MROH2A: variants seen among roughly 807,000 people sequenced by gnomAD.
The protein encoded by MROH2A is maestro heat like repeat family member 2A, also known as maestro heat-like repeat-containing protein family member 2A.
MROH2A carries 174 observed loss-of-function variants against 200.4 expected under a neutral mutation model. That is an observed-to-expected ratio of 0.87 (90% CI 0.77 to 0.98). The LOEUF is 0.98. MROH2A is among the 50% of genes least tolerant of loss of function. The pLI, the probability that MROH2A is intolerant of heterozygous loss-of-function variation, is 0.00. For synonymous variants in MROH2A, 829 were observed against 840.4 expected, an observed-to-expected ratio of 0.99 and a Z score of 0.23; for missense variants, 2,045 against 2,139.6, an observed-to-expected ratio of 0.96 and a Z score of 0.87.
At chr2:233,823,953 G>A (rs1279287035) in intron 35 of MROH2A, among the ~76,000 whole-genome samples, 3 of 152,142 alleles carry the variant, frequency 2.0e-5, no homozygotes, top group Admixed American at 6.5e-5. Context: ...CTGGGTTCTC[G>A]CTGGGGCAGG....
In MROH2A at chr2:233,819,883, A is replaced by T; in HGVS notation, c.3358-19A>T. 1 of 1,489,358 alleles carries T rather than the reference A, an allele frequency of 6.7e-7. No homozygotes were observed. Among genetic ancestry groups the T allele is most frequent in the Non-Finnish European group, 9.0e-7 (1 of 1,110,944 alleles). 92.3% of individuals were successfully genotyped at this position (1,489,358 alleles called of 1,614,324 possible). A position where few individuals can be genotyped will look rare whatever the true frequency, so the allele number is the denominator to read the frequency against. On this transcript the variant is annotated intron_variant, in intron 30 of 41. Coordinates refer to ENST00000389758, the MANE Select transcript of MROH2A (RefSeq NM_001394639.1). The stretch of plus-strand genomic sequence containing the variant: ...TAGGGGCCTGGGCTGCCCCCCGGTG[A>T]TGCCCCATCCCTACCTAGGTGGCCG...
chr2:233,824,429 C>G (rs1433603498), intron 35 of MROH2A, among the ~76,000 whole-genome samples: 3 of 152,236 alleles, frequency 2.0e-5, no homozygotes, highest in Non-Finnish European at 1.5e-5. Flanking sequence ...TCAGGCCCCT[C>G]CCTGTGTTCA....
intron 21 of MROH2A, among the ~76,000 whole-genome samples, chr2:233,808,145 G>C (rs1702924758): frequency 6.6e-6 from 1 of 152,192 alleles, no homozygotes; most frequent in Admixed American, 6.5e-5. Context: ...GGGGCTCCCT[G>C]GGTGCTGATT....
In MROH2A at chr2:233,822,873, C is replaced by T; in HGVS notation, c.3867-8C>T. The T allele has an allele frequency of 6.5e-7, 1 of 1,550,296 alleles. No homozygotes were observed. The highest frequency in any genetic ancestry group is 1.2e-5 in the South Asian group (1 of 84,052). On this transcript the variant is annotated splice_region_variant and splice_polypyrimidine_tract_variant and intron_variant, in intron 33 of 41. Coordinates refer to ENST00000389758, the MANE Select transcript of MROH2A (RefSeq NM_001394639.1). ...GGCAGCGCATCACAAGCTCCCACCT[C>T]CCTTCAGGGTCACTATCAAGTCCAT...
chr2:233,816,794 G>T lies in MROH2A; in HGVS notation c.2870G>T (p.Trp957Leu), dbSNP rs540080472. Residue 957 changes from tryptophan (W) to leucine (L), a missense_variant, in exon 27 of 42, where the codon TGG becomes TTG. Physicochemically the swap from Trp to Leu is moderately conservative, Grantham distance 61. This residue lies in a region of MROH2A where 1,201 missense variants were observed against 1,311.3 expected (regional missense o/e 0.92). Transcript: ENST00000389758. ...LQEMVQLLEKWILSEKEWERE... is the reference protein window; with the variant it reads ...LQEMVQLLEKLILSEKEWERE... Reference sequence around the variant, plus strand: ...CTCTACCCATAGCTCCTGGAAAAGTGGATCTTGTCGGAGAAAGAATGGGAG... The same window carrying T: ...CTCTACCCATAGCTCCTGGAAAAGTTGATCTTGTCGGAGAAAGAATGGGAG... 1.4e-5 allele frequency: 22 copies of T among 1,550,248 alleles called. No homozygotes were observed. Among genetic ancestry groups the T allele is most frequent in the Non-Finnish European group, 1.8e-5 (21 of 1,146,786 alleles).
chr2:233,802,956 T>C (rs563194450), intron 15 of MROH2A, among the ~76,000 whole-genome samples: 3 of 152,232 alleles, frequency 2.0e-5, no homozygotes, highest in Middle Eastern at 3.2e-3. Flanking sequence ...TTGACTCTGG[T>C]TGAGTCCTCT....
At chr2:233,784,918 C>A (rs779743326) in intron 3 of MROH2A, among the ~76,000 whole-genome samples, 1 of 152,008 alleles carries the variant, frequency 6.6e-6, no homozygotes, top group East Asian at 1.9e-4. Flanking sequence ...GGAGCCAAGG[C>A]GGGCGGATCA....
intron 41 of MROH2A, 108 bp from the exon 42 acceptor site, chr2:233,833,030 C>T (rs1013287775): frequency 6.7e-6 from 9 of 1,349,634 alleles, no homozygotes; most frequent in Middle Eastern, 2.6e-4. Flanking sequence ...TCCCCGTCTG[C>T]CCCTGCCCAC....
chr2:233,823,751 C>T, intron 35 of MROH2A, 87 bp downstream of exon 35: 1 of 1,495,832 alleles, frequency 6.7e-7, no homozygotes, highest in Non-Finnish European at 9.0e-7. Flanking sequence ...GTCTCCAAGG[C>T]ATGGGAGTCG....
At position 233,787,596 on chromosome 2, in the gene MROH2A, T is replaced by TATATATCATATATACA. The variant is rs1286025940; in HGVS notation, c.277-1901_277-1900insATATATCATATATACA. 7.9e-4 allele frequency among the ~76,000 whole-genome samples: 26 copies of TATATATCATATATACA among 32,844 alleles called. 1 individual carries two copies. The highest frequency in any genetic ancestry group is 2.2e-3 in the South Asian group (2 of 896). The allele number at this position is 32,844 out of a possible 152,430, so 21.5% of individuals were successfully genotyped here. On this transcript the variant is annotated intron_variant, in intron 3 of 41. Transcript: ENST00000389758. The stretch of plus-strand genomic sequence containing the variant: ...TATATATCATATATACATATATATA[T>TATATATCATATATACA]TATATATTATATATATCATATATAC...
rs1702913229 is a variant in MROH2A, at chr2:233,807,946, G to A, written c.2295+91G>A. ...CAAAGTCCTTTCTAGATCTCAGTAGGAAACTTGCCTCACACGGAGTCTCCT... is the reference window on the plus strand; with the variant it reads ...CAAAGTCCTTTCTAGATCTCAGTAGAAAACTTGCCTCACACGGAGTCTCCT... On this transcript the variant is annotated intron_variant, in intron 21 of 41. Transcript: ENST00000389758. The surrounding 1 kb of genome is among the most constrained non-coding windows in gnomAD (Gnocchi z 4.3). 8.0e-6 allele frequency: 12 copies of A among 1,496,670 alleles called. No individual in the cohort carries two copies. The South Asian group carries it at 1.4e-4, about 17-fold the overall frequency. 92.7% of individuals were successfully genotyped at this position (1,496,670 alleles called of 1,614,324 possible).
At chr2:233,802,091 C>A in intron 14 of MROH2A, 77 bp from the exon 15 acceptor site, 2 of 1,438,218 alleles carry the variant, frequency 1.4e-6, no homozygotes, top group East Asian at 2.5e-5. Flanking sequence ...GGCACCATGG[C>A]AGAGCCTGAC....
chr2:233,791,796 C>T (rs779083089), intron 5 of MROH2A, among the ~76,000 whole-genome samples: 20 of 151,660 alleles, frequency 1.3e-4, no homozygotes, highest in South Asian at 2.1e-4. Flanking sequence ...CTGGAGAAGG[C>T]GGGAGGTGGA....
At chr2:233,810,009 C>A (rs1217510729) in intron 22 of MROH2A, among the ~76,000 whole-genome samples, 1 of 152,164 alleles carries the variant, frequency 6.6e-6, no homozygotes, top group African/African-American at 2.4e-5. Context: ...TGATAGTTGT[C>A]CTTGTGTGTC....
chr2:233,833,393 T>G lies in MROH2A; in HGVS notation c.*134T>G. On this transcript the variant is annotated 3_prime_UTR_variant, in exon 42 of 42. Transcript: ENST00000389758. ...CTAGTATCCTTTTGTTTCCTTCCGT[T>G]GAAATAAACCTCCACTGTCGTTGGA... 9.6e-7 allele frequency: 1 copy of G among 1,036,508 alleles called. No homozygotes were observed. Among genetic ancestry groups the G allele is most frequent in the Non-Finnish European group, 1.3e-6 (1 of 750,978 alleles). 64.2% of individuals were successfully genotyped at this position (1,036,508 alleles called of 1,614,324 possible). A position where few individuals can be genotyped will look rare whatever the true frequency, so the allele number is the denominator to read the frequency against.
At position 233,807,539 on chromosome 2, in the gene MROH2A, C is replaced by T. The variant is rs1481221074; in HGVS notation, c.2169C>T (p.Ser723=). The change falls in exon 20 of 42, where the codon AGC becomes AGT. Residue 723 remains serine (S), a synonymous_variant. Coordinates refer to ENST00000389758, the MANE Select transcript of MROH2A (RefSeq NM_001394639.1). The surrounding 1 kb of genome is among the most constrained non-coding windows in gnomAD (Gnocchi z 4.3). ...YKTDYSNDFD[S]EGVIMCFGLC... ...CGGACTACAGCAATGACTTTGACAG[C>T]GAGGTGAGGGTGCCTGCAGCCTCCT... 7.7e-6 allele frequency: 12 copies of T among 1,550,392 alleles called. No homozygotes were observed. The highest frequency in any genetic ancestry group is 4.9e-5 in the East Asian group (2 of 40,922).
intron 19 of MROH2A, among the ~76,000 whole-genome samples, chr2:233,805,974 AC>A (rs2126135793): frequency 6.6e-6 from 1 of 152,370 alleles, no homozygotes; most frequent in East Asian, 1.9e-4. Flanking sequence ...CTAGAAAAAC[AC>A]AGGATAAATC....
chr2:233,810,450 C>T (rs1269531583), intron 22 of MROH2A, among the ~76,000 whole-genome samples: 1 of 152,210 alleles, frequency 6.6e-6, no homozygotes, highest in Non-Finnish European at 1.5e-5. Flanking sequence ...GACTGGCCCC[C>T]ATGATTCAAT....
At chr2:233,787,802 T>A (rs866003399) in intron 3 of MROH2A, among the ~76,000 whole-genome samples, 1 of 10,264 alleles carries the variant, frequency 9.7e-5, no homozygotes, top group African/African-American at 7.6e-4. Flanking sequence ...ATAATATATA[T>A]TATATATATT....
Sources: allele counts gnomAD v4.1 joint callset (sites outside exome capture counted in the v4.1 genomes callset), GRCh38; gene constraint gnomAD v4.1.1; regional missense constraint gnomAD v4.1.1; non-coding constraint Gnocchi (gnomAD v3.1); transcripts MANE v1.5; gene names NCBI Gene and HGNC (gene_info 2026-07-23, HGNC 2026-07-21).